The following CADPS variants were observed in gnomAD, a reference collection of about 807,000 sequenced individuals.
The protein encoded by CADPS is calcium dependent secretion activator.
A neutral mutation model predicts 167.3 loss-of-function variants in CADPS; 57 were observed. The observed-to-expected ratio is 0.34, with a 90% confidence interval of 0.28 to 0.42. The LOEUF (loss-of-function observed/expected upper bound fraction) is 0.42. CADPS is among the 20% of genes least tolerant of loss of function. The probability of loss-of-function intolerance (pLI) is 1.00; values close to 1 mark genes in which losing one functional copy is unlikely to be tolerated. For synonymous variants in CADPS, 676 were observed against 635.3 expected (o/e 1.06, Z -0.96); for missense variants, 1,414 against 1,738.1 (o/e 0.81, Z 3.32).
At chr3:62,606,181 G>C (rs1179552476) in intron 6 of CADPS, among the ~76,000 whole-genome samples, 5 of 152,076 alleles carry the variant, frequency 3.3e-5, no homozygotes, top group African/African-American at 4.8e-5. Context: ...TGTTGGATTT[G>C]TTCATGCGAT....
At chr3:62,482,978 C>T (rs1407084432) in intron 21 of CADPS, among the ~76,000 whole-genome samples, 4 of 152,042 alleles carry the variant, frequency 2.6e-5, no homozygotes, top group African/African-American at 9.7e-5. Flanking sequence ...AAACCCCCAA[C>T]TTGAATCAAC....
At chr3:62,845,389 T>C (rs992581810) in intron 1 of CADPS, among the ~76,000 whole-genome samples, 3 of 152,328 alleles carry the variant, frequency 2.0e-5, no homozygotes, top group Non-Finnish European at 4.4e-5. Context: ...TTGAACAAGT[T>C]ACTTTAACTC....
chr3:62,422,764 G>A (rs760901821), intron 28 of CADPS, among the ~76,000 whole-genome samples: 4 of 152,140 alleles, frequency 2.6e-5, no homozygotes, highest in Non-Finnish European at 4.4e-5. Flanking sequence ...TTTCCATAAA[G>A]TATTGCTAAT....
At chr3:62,732,158 T>G (rs571396576) in intron 3 of CADPS, among the ~76,000 whole-genome samples, 2 of 152,302 alleles carry the variant, frequency 1.3e-5, no homozygotes, top group South Asian at 2.1e-4. Flanking sequence ...CATGCCCTTG[T>G]GTAACCTCTT....
intron 3 of CADPS, among the ~76,000 whole-genome samples, chr3:62,732,163 C>T (rs1454830719): frequency 6.6e-6 from 1 of 152,104 alleles, no homozygotes; most frequent in African/African-American, 2.4e-5. Context: ...CCTTGTGTAA[C>T]CTCTTCTTCT....
chr3:62,681,290 T>C (rs2077123541), intron 3 of CADPS, among the ~76,000 whole-genome samples: 1 of 152,042 alleles, frequency 6.6e-6, no homozygotes, highest in South Asian at 2.1e-4. Context: ...AACTATGCCC[T>C]CTCCATCACA....
At chr3:62,756,707 G>A (rs552502762) in intron 2 of CADPS, among the ~76,000 whole-genome samples, 1 of 152,310 alleles carries the variant, frequency 6.6e-6, no homozygotes, top group South Asian at 2.1e-4. Flanking sequence ...AAACACCTTT[G>A]AGATGATGCA....
chr3:62,852,486 C>G (rs959650475), intron 1 of CADPS, among the ~76,000 whole-genome samples: 2 of 152,010 alleles, frequency 1.3e-5, no homozygotes, highest in African/African-American at 4.8e-5. Context: ...TTCCTTTGCC[C>G]GGTGTCAAGT....
At chr3:62,550,408 C>A (rs544286169) in intron 10 of CADPS, among the ~76,000 whole-genome samples, 14 of 152,152 alleles carry the variant, frequency 9.2e-5, no homozygotes, top group Non-Finnish European at 1.9e-4. Context: ...TATTTTCTCC[C>A]TCATCTTTAA....
intron 9 of CADPS, among the ~76,000 whole-genome samples, chr3:62,562,772 G>A (rs2079407029): frequency 6.6e-6 from 1 of 152,196 alleles, no homozygotes; most frequent in Non-Finnish European, 1.5e-5. Flanking sequence ...TGCACATCTA[G>A]CTGGAAGTAG....
chr3:62,588,193 A>G (rs2085080921), intron 7 of CADPS, among the ~76,000 whole-genome samples: 1 of 151,808 alleles, frequency 6.6e-6, no homozygotes, highest in Non-Finnish European at 1.5e-5. Context: ...GACTTAGCCT[A>G]TATCTCTTCA....
At chr3:62,791,886 C>G (rs1352431754) in intron 1 of CADPS, among the ~76,000 whole-genome samples, 1 of 152,190 alleles carries the variant, frequency 6.6e-6, no homozygotes, top group Non-Finnish European at 1.5e-5. Context: ...ACTTTAAGTG[C>G]TTAGCACATG....
intron 21 of CADPS, 24 bp downstream of exon 21, chr3:62,491,315 T>C (rs148045236): frequency 2.5e-6 from 4 of 1,611,710 alleles, no homozygotes; most frequent in Non-Finnish European, 3.4e-6. Flanking sequence ...CAAACTCCGA[T>C]GGTATCAAAA....
chr3:62,501,745 A>G (rs534162016), intron 17 of CADPS, among the ~76,000 whole-genome samples: 1 of 152,330 alleles, frequency 6.6e-6, no homozygotes, highest in African/African-American at 2.4e-5. Flanking sequence ...CACTTTTTAA[A>G]AAAAAGTCAA....
intron 3 of CADPS, among the ~76,000 whole-genome samples, chr3:62,741,127 G>C (rs2080141382): frequency 6.6e-6 from 1 of 152,096 alleles, no homozygotes; most frequent in African/African-American, 2.4e-5. Context: ...GTGAGAATTT[G>C]ATTAATTAAT....
At chr3:62,611,715 A>G (rs528835686) in intron 6 of CADPS, among the ~76,000 whole-genome samples, 1 of 152,298 alleles carries the variant, frequency 6.6e-6, no homozygotes, top group South Asian at 2.1e-4. Context: ...CTTTCCATTC[A>G]GGATCTTCAT....
At chr3:62,740,431 A>T (rs779154112) in intron 3 of CADPS, among the ~76,000 whole-genome samples, 1 of 152,236 alleles carries the variant, frequency 6.6e-6, no homozygotes. Flanking sequence ...TTTAATACAC[A>T]GTAGCAAAGA....
At chr3:62,662,186 G>A (rs992705537) in intron 4 of CADPS, 128 bp downstream of exon 4, 29 of 798,592 alleles carry the variant, frequency 3.6e-5, no homozygotes, top group Non-Finnish European at 5.8e-5. Flanking sequence ...GCCCAATGAG[G>A]GTGATTGTCC....
chr3:62,820,259 C>A (rs1049666639), intron 1 of CADPS, among the ~76,000 whole-genome samples: 1 of 152,034 alleles, frequency 6.6e-6, no homozygotes, highest in African/African-American at 2.4e-5. Context: ...TACAAGGTGC[C>A]GAGATGATCA....
Sources: gnomAD v4.1 joint callset for allele counts (sites outside exome capture counted in the v4.1 genomes callset) on GRCh38, gnomAD v4.1.1 for gene constraint, MANE v1.5 for transcripts, NCBI Gene and HGNC (gene_info 2026-07-23, HGNC 2026-07-21) for gene names.